CD69: variants seen among roughly 807,000 people sequenced by gnomAD.
CD69 encodes early activation antigen CD69.
A neutral mutation model predicts 21.4 loss-of-function variants in CD69; 10 were observed. That is an observed-to-expected ratio of 0.47 (90% CI 0.29 to 0.79). CD69 has a LOEUF of 0.79. CD69 is among the 30% of genes least tolerant of loss of function. CD69 has a pLI of 0.09. For missense variants in CD69, 204 were observed against 236.9 expected, an observed-to-expected ratio of 0.86 and a Z score of 0.91; for synonymous variants, 63 against 78.2, an observed-to-expected ratio of 0.81 and a Z score of 1.03.
chr12:9,752,618 G>A lies in CD69; in HGVS notation c.*863C>T, dbSNP rs1372027967. ...AAGTATTGAAGTATTGCACGTAATA[G>A]AATTGATTTAGGAAAGTCACAAACC... On this transcript the variant is annotated 3_prime_UTR_variant, in exon 5 of 5. Transcript: ENST00000228434. 2 of 152,554 alleles carry A rather than the reference G, an allele frequency of 1.3e-5. No individual in the cohort carries two copies. Among genetic ancestry groups the A allele is most frequent in the Admixed American group, 6.5e-5 (1 of 15,276 alleles). 9.5% of individuals were successfully genotyped at this position (152,554 alleles called of 1,614,324 possible).
At chr12:9,753,647 C>G in intron 4 of CD69, 58 bp from the exon 5 acceptor site, 1 of 779,722 alleles carries the variant, frequency 1.3e-6, no homozygotes, top group Non-Finnish European at 2.1e-6. Flanking sequence ...CATTCAGTTA[C>G]ATGAGAATGA....
intron 3 of CD69, 31 bp downstream of exon 3, chr12:9,755,031 T>C (rs1456308050): frequency 1.3e-6 from 2 of 1,549,848 alleles, no homozygotes; most frequent in Admixed American, 1.7e-5. Context: ...TGAATTAAAA[T>C]AGTAGTATTT....
intron 3 of CD69, 40 bp from the exon 4 acceptor site, chr12:9,754,730 C>T (rs771393996): frequency 4.1e-6 from 5 of 1,230,986 alleles, no homozygotes; most frequent in South Asian, 2.4e-5. Flanking sequence ...ATTAAACACC[C>T]TTCTGGGGAA....
At chr12:9,760,333 GACA>G (rs1410529811) in intron 1 of CD69, among the ~76,000 whole-genome samples, 2 of 152,154 alleles carry the variant, frequency 1.3e-5, no homozygotes, top group Admixed American at 6.5e-5. Context: ...CATAAAGAGA[GACA>G]ACACTTCCTG....
Position 9,752,894 on chromosome 12 carries a change from T to C in CD69, c.*587A>G, listed in dbSNP as rs1407813068. ...AAATAAATACATGATCATCCCATTC[T>C]TTTTGGGGAAAAATAACAAAGTAAA... On this transcript the variant is annotated 3_prime_UTR_variant, in exon 5 of 5. Coordinates refer to ENST00000228434, the MANE Select transcript of CD69 (RefSeq NM_001781.2). 2 of 152,532 alleles carry C rather than the reference T, an allele frequency of 1.3e-5. No homozygotes were observed. Among genetic ancestry groups the C allele is most frequent in the Non-Finnish European group, 2.9e-5 (2 of 68,032 alleles). 9.4% of individuals were successfully genotyped at this position (152,532 alleles called of 1,614,324 possible).
chr12:9,754,462 G>C (rs1866659352), intron 4 of CD69, 125 bp downstream of exon 4: 5 of 676,794 alleles, frequency 7.4e-6, no homozygotes, highest in Middle Eastern at 2.6e-4. Flanking sequence ...TACGCATTCA[G>C]AAGAGATTGT....
intron 1 of CD69, among the ~76,000 whole-genome samples, chr12:9,759,042 G>A (rs1591728893): frequency 6.6e-6 from 1 of 152,046 alleles, no homozygotes; most frequent in South Asian, 2.1e-4. Context: ...CCATTCTCCT[G>A]CCTCAGCCTC....
rs888168130 is a variant in CD69 at position 9,756,749 on chromosome 12, C to T, written c.65-330G>A. The stretch of plus-strand genomic sequence containing the variant: ...CAGTTTGTTTTAATGATGATAAGAA[C>T]GTTTATTAAATATGCACATGCCCCA... On this transcript the variant is annotated intron_variant, in intron 1 of 4. Coordinates refer to ENST00000228434, the MANE Select transcript of CD69 (RefSeq NM_001781.2). 1.2e-4 allele frequency among the ~76,000 whole-genome samples: 18 copies of T among 152,112 alleles called. 1 individual carries two copies. Among genetic ancestry groups the T allele is most frequent in the African/African-American group, 3.4e-4 (14 of 41,464 alleles).
intron 2 of CD69, chr12:9,756,049 T>C: frequency 4.3e-6 from 1 of 235,064 alleles, no homozygotes; most frequent in Non-Finnish European, 8.1e-6. Flanking sequence ...TCTTTTCAAA[T>C]GCAATTTTAT....
At chr12:9,757,042 T>C (rs950776715) in intron 1 of CD69, among the ~76,000 whole-genome samples, 9 of 152,076 alleles carry the variant, frequency 5.9e-5, no homozygotes, top group Admixed American at 5.9e-4. Context: ...ATTGCACCAC[T>C]GCACTCTAAC....
At position 9,753,561 on chromosome 12, in the gene CD69, C is replaced by T. The variant is rs1054766632; in HGVS notation, c.520G>A (p.Val174Ile). 1 of 1,577,394 alleles carries T rather than the reference C, an allele frequency of 6.3e-7. No individual in the cohort carries two copies. Among genetic ancestry groups the T allele is most frequent in the African/African-American group, 1.4e-5 (1 of 74,062 alleles). ...WFNVTGSDKCVFLKNTEVSSM... is the reference protein window; with the variant it reads ...WFNVTGSDKCIFLKNTEVSSM... Reference sequence around the variant, plus strand: ...CTGACCTCTGTGTTTTTCAGAAAAACACACTTGTCAGACCCTGTAACGTTG... The same window carrying T: ...CTGACCTCTGTGTTTTTCAGAAAAATACACTTGTCAGACCCTGTAACGTTG... The change falls in exon 5 of 5, where the codon GTT (valine) becomes ATT (isoleucine). Residue 174 changes from valine (V) to isoleucine (I), a missense_variant. Val to Ile is a conservative substitution (Grantham distance 29). Transcript: ENST00000228434.
rs576765984 is a variant in CD69 at position 9,755,330 on chromosome 12, C to T, written c.188-69G>A. ...AATACCCACAGCATGCAAAACTAGCCTTAGGATGCTATGTTGTGCTAGGTG... is the reference window on the plus strand; with the variant it reads ...AATACCCACAGCATGCAAAACTAGCTTTAGGATGCTATGTTGTGCTAGGTG... On this transcript the variant is annotated intron_variant, in intron 2 of 4. Coordinates refer to ENST00000228434, the MANE Select transcript of CD69 (RefSeq NM_001781.2). The T allele has an allele frequency of 4.5e-4, 569 of 1,251,848 alleles. 8 individuals are homozygous for T. In the South Asian group the frequency reaches 6.6e-3, roughly 15 times the overall value. The allele number at this position is 1,251,848 out of a possible 1,614,324, so 77.5% of individuals were successfully genotyped here. A position where few individuals can be genotyped will look rare whatever the true frequency, so the allele number is the denominator to read the frequency against.
At chr12:9,755,554 A>G (rs898063330) in intron 2 of CD69, among the ~76,000 whole-genome samples, 2 of 152,226 alleles carry the variant, frequency 1.3e-5, no homozygotes, top group African/African-American at 4.8e-5. Context: ...TGGACTAGAT[A>G]TTTCTTTGGA....
intron 1 of CD69, among the ~76,000 whole-genome samples, chr12:9,758,594 G>C (rs1389825481): frequency 6.6e-6 from 1 of 152,074 alleles, no homozygotes; most frequent in Non-Finnish European, 1.5e-5. Context: ...CTCAGATTTT[G>C]CAAGAGAAGC....
intron 4 of CD69, 199 bp downstream of exon 4, chr12:9,754,388 T>A: frequency 2.4e-6 from 1 of 413,114 alleles, no homozygotes. Flanking sequence ...TTATTTTATG[T>A]ATTATAAGTG....
Position 9,753,517 on chromosome 12 carries a change from C to A in CD69, c.564G>T (p.Lys188Asn), listed in dbSNP as rs746836062. Residue 188 changes from lysine (K) to asparagine (N), a missense_variant, in exon 5 of 5, where the codon AAG becomes AAT. Coordinates refer to ENST00000228434, the MANE Select transcript of CD69 (RefSeq NM_001781.2). ...GTTTGTTACATATCCAGTATAAATT[C>A]TTCTCACATTCCATGCTGCTGACCT... ...NTEVSSMECE[K>N]NLYWICNKPY... The A allele has an allele frequency of 6.4e-7, 1 of 1,565,872 alleles. No homozygotes were observed. Among genetic ancestry groups the A allele is most frequent in the Admixed American group, 1.7e-5 (1 of 59,500 alleles).
intron 1 of CD69, among the ~76,000 whole-genome samples, chr12:9,756,815 C>T (rs769954710): frequency 6.6e-6 from 1 of 152,220 alleles, no homozygotes; most frequent in African/African-American, 2.4e-5. Flanking sequence ...TGGCTCACAC[C>T]TGTAATCTCA....
intron 2 of CD69, 64 bp from the exon 3 acceptor site, chr12:9,755,325 C>T (rs1866671150): frequency 3.7e-6 from 5 of 1,344,092 alleles, no homozygotes; most frequent in Non-Finnish European, 5.3e-6. Flanking sequence ...GCATGCAAAA[C>T]TAGCCTTAGG....
rs1463985831 is a variant in CD69 at position 9,755,109 on chromosome 12, A to G, written c.340T>C (p.Ser114Pro). ...ACAGCAAGAGTAGCACCATGTTCAG[A>G]ACAAGCATTTTGGGCTGAAGTCCAG... is the stretch of plus-strand genomic sequence containing the variant. ...RSWTSAQNAC[S>P]EHGATLAVID... Residue 114 changes from serine (S) to proline (P), a missense_variant, in exon 3 of 5, where the codon TCT (serine) becomes CCT (proline). By Grantham distance (74) the Ser-to-Pro change is moderately conservative. Coordinates refer to ENST00000228434, the MANE Select transcript of CD69 (RefSeq NM_001781.2). The G allele has an allele frequency of 6.2e-7, 1 of 1,613,972 alleles. No individual in the cohort carries two copies. Among genetic ancestry groups the G allele is most frequent in the African/African-American group, 1.3e-5 (1 of 74,926 alleles).
Sources: allele counts gnomAD v4.1 joint callset (sites outside exome capture counted in the v4.1 genomes callset), GRCh38; gene constraint gnomAD v4.1.1; transcripts MANE v1.5; gene names NCBI Gene and HGNC (gene_info 2026-07-23, HGNC 2026-07-21).